GNB1L: variants seen among roughly 807,000 people sequenced by gnomAD.
The protein encoded by GNB1L is guanine nucleotide-binding protein subunit beta-like protein 1.
A neutral mutation model predicts 29.1 loss-of-function variants in GNB1L; 20 were observed. The ratio of observed to expected loss-of-function variants is 0.69; its 90% confidence interval spans 0.48 to 1.00. The LOEUF is 1.00. GNB1L is among the 50% of genes least tolerant of loss of function. The probability of loss-of-function intolerance (pLI) is 0.00; values close to 1 mark genes in which losing one functional copy is unlikely to be tolerated. For missense variants in GNB1L, 421 were observed against 464.9 expected (o/e 0.91, Z 0.87); for synonymous variants, 193 against 206.5 (o/e 0.93, Z 0.56).
intron 4 of GNB1L, 96 bp downstream of exon 4, chr22:19,820,502 C>A (rs936749797): frequency 5.2e-6 from 7 of 1,343,072 alleles, no homozygotes; most frequent in Non-Finnish European, 7.2e-6. Flanking sequence ...TTCCCCCACC[C>A]CATTCTGCCC....
intron 4 of GNB1L, among the ~76,000 whole-genome samples, chr22:19,813,798 C>G (rs1224267118): frequency 1.3e-5 from 2 of 152,138 alleles, no homozygotes; most frequent in East Asian, 3.9e-4. Context: ...AATTCCAGAT[C>G]AGCCTGGGCA....
intron 2 of GNB1L, chr22:19,850,173 C>T (rs943488519): frequency 2.0e-6 from 2 of 985,572 alleles, no homozygotes; most frequent in African/African-American, 1.7e-5. Flanking sequence ...CATGGCCAGG[C>T]CTCTGCTCCT....
At chr22:19,843,144 G>A (rs1407557116) in intron 2 of GNB1L, among the ~76,000 whole-genome samples, 5 of 152,186 alleles carry the variant, frequency 3.3e-5, no homozygotes, top group African/African-American at 7.2e-5. Context: ...TCTAAGCCAC[G>A]GGATAAAGGT....
At chr22:19,789,797 A>T (rs1937232630) in intron 7 of GNB1L, among the ~76,000 whole-genome samples, 1 of 149,520 alleles carries the variant, frequency 6.7e-6, no homozygotes, top group African/African-American at 2.5e-5. Context: ...GATCACTGCC[A>T]CCGCACTCCT....
At chr22:19,831,616 G>A (rs1358059478) in intron 2 of GNB1L, among the ~76,000 whole-genome samples, 3 of 151,432 alleles carry the variant, frequency 2.0e-5, no homozygotes, top group Non-Finnish European at 2.9e-5. Flanking sequence ...GCGTGAACCC[G>A]GGAGGCGGAG....
At chr22:19,823,347 C>G (rs114203278) in intron 2 of GNB1L, among the ~76,000 whole-genome samples, 2,279 of 152,318 alleles carry the variant, frequency 0.015, 51 homozygotes, top group African/African-American at 0.051. Context: ...CCTGCTCCAG[C>G]CTGTGATGGG....
rs1039111593 is a variant in GNB1L at position 19,850,497 on chromosome 22, G to A, written c.-21+3946C>T. 7 of 1,039,478 alleles carry A rather than the reference G, an allele frequency of 6.7e-6. No homozygotes were observed. The African/African-American group carries it at 1.2e-4, about 17-fold the overall frequency. 64.4% of individuals were successfully genotyped at this position (1,039,478 alleles called of 1,614,324 possible). A position where few individuals can be genotyped will look rare whatever the true frequency, so the allele number is the denominator to read the frequency against. On this transcript the variant is annotated intron_variant, in intron 2 of 7. Coordinates refer to ENST00000329517, the MANE Select transcript of GNB1L (RefSeq NM_053004.3). ...CAGTGTTAACACACAAAGGGCGAAT[G>A]CCTGCAGCTGAGCCTGGCAAGGGGC...
rs889077221 is a variant in GNB1L at position 19,816,194 on chromosome 22, TG to T, written c.255-3748del. The stretch of plus-strand genomic sequence containing the variant: ...CATGTCTTTGCACTCCTTCCTTCCC[TG>T]GGGACGAGGCCCAGGCCCATATTCC... On this transcript the variant is annotated intron_variant, in intron 4 of 7. Coordinates refer to ENST00000329517, the MANE Select transcript of GNB1L (RefSeq NM_053004.3). The surrounding 1 kb of genome is among the most constrained non-coding windows in gnomAD (Gnocchi z 4.4). 1.3e-5 allele frequency among the ~76,000 whole-genome samples: 2 copies of T among 152,186 alleles called. No homozygotes were observed. Among genetic ancestry groups the T allele is most frequent in the Non-Finnish European group, 2.9e-5 (2 of 68,028 alleles).
chr22:19,803,411 C>T (rs12161065), intron 6 of GNB1L, among the ~76,000 whole-genome samples: 5,476 of 152,208 alleles, frequency 0.036, 258 homozygotes, highest in African/African-American at 0.12. Context: ...AGTCATGCCC[C>T]GCTGCCAGAG....
At chr22:19,814,110 G>A (rs1232646394) in intron 4 of GNB1L, among the ~76,000 whole-genome samples, 3 of 152,188 alleles carry the variant, frequency 2.0e-5, no homozygotes, top group African/African-American at 7.2e-5. Context: ...AAGTAAATCT[G>A]CATGAGCCCA....
intron 2 of GNB1L, among the ~76,000 whole-genome samples, chr22:19,831,283 T>C (rs1937675602): frequency 6.6e-6 from 1 of 151,568 alleles, no homozygotes; most frequent in Non-Finnish European, 1.5e-5. Flanking sequence ...GAGAAATGCT[T>C]TAACCCAGGA....
chr22:19,850,448 G>T (rs1454964444), intron 2 of GNB1L: 1 of 998,154 alleles, frequency 1.0e-6, no homozygotes, highest in East Asian at 1.1e-4. Flanking sequence ...GCCTGCTTCA[G>T]AACACCAGGC....
At chr22:19,815,584 T>G (rs1305952806) in intron 4 of GNB1L, among the ~76,000 whole-genome samples, 2 of 151,890 alleles carry the variant, frequency 1.3e-5, no homozygotes, top group African/African-American at 4.8e-5. Flanking sequence ...CCAGGAACTT[T>G]AACATTTTTT....
intron 7 of GNB1L, chr22:19,793,029 T>C: frequency 6.3e-7 from 1 of 1,595,196 alleles, no homozygotes; most frequent in Non-Finnish European, 8.5e-7. Flanking sequence ...GGGTCCTAAG[T>C]CTGTGGCTCG....
intron 2 of GNB1L, chr22:19,852,050 G>C: frequency 1.2e-6 from 2 of 1,614,220 alleles, no homozygotes; most frequent in Non-Finnish European, 1.7e-6. Flanking sequence ...ACCGCCACAA[G>C]TGCCACTAGC....
rs898191894 is a variant in GNB1L at position 19,849,015 on chromosome 22, C to T, written c.-21+5428G>A. ...GTAGGCATCAGGGAGCAGTCTGACC[C>T]AACCCACAAAAGGGGGGATGGGGCC... On this transcript the variant is annotated intron_variant, in intron 2 of 7. Transcript: ENST00000329517. The T allele has an allele frequency of 3.0e-6, 3 of 985,368 alleles. No individual in the cohort carries two copies. In the African/African-American group the frequency reaches 5.2e-5, roughly 17 times the overall value. 61.0% of individuals were successfully genotyped at this position (985,368 alleles called of 1,614,324 possible).
intron 2 of GNB1L, chr22:19,849,070 C>T (rs1034554879): frequency 5.1e-6 from 5 of 985,358 alleles, no homozygotes; most frequent in Non-Finnish European, 6.0e-6. Flanking sequence ...CAGCTGTGAC[C>T]TGGCACAGAA....
At chr22:19,814,185 T>C (rs1196362289) in intron 4 of GNB1L, among the ~76,000 whole-genome samples, 17 of 152,178 alleles carry the variant, frequency 1.1e-4, no homozygotes, top group Non-Finnish European at 2.2e-4. Flanking sequence ...CAGCTTCCTA[T>C]ATTCCAATTA....
rs201939153 is a variant in GNB1L, at chr22:19,812,309, G to A, written c.393C>T (p.Ala131=). 5.0e-5 allele frequency: 80 copies of A among 1,612,732 alleles called. No homozygotes were observed. The highest frequency in any genetic ancestry group is 9.3e-5 in the African/African-American group (7 of 74,940). The change falls in exon 5 of 8, where the codon GCC becomes GCT. Residue 131 remains alanine, a synonymous_variant. Transcript: ENST00000329517. Reference sequence around the variant, plus strand: ...CCTCGTCGCTGCCCCTCCCTGGCACGGCAAGCGTCCAGCGTGGCTGGCCCC... The same window carrying A: ...CCTCGTCGCTGCCCCTCCCTGGCACAGCAAGCGTCCAGCGTGGCTGGCCCC... ...LAGGQPRWTL[A]VPGRGSDEVQ...
Sources: allele counts gnomAD v4.1 joint callset (sites outside exome capture counted in the v4.1 genomes callset), GRCh38; gene constraint gnomAD v4.1.1; non-coding constraint Gnocchi (gnomAD v3.1); transcripts MANE v1.5; gene names NCBI Gene and HGNC (gene_info 2026-07-23, HGNC 2026-07-21).